Variants in MCF2L observed in about 807,000 individuals in gnomAD.
The protein encoded by MCF2L is guanine nucleotide exchange factor DBS.
In MCF2L, 97 loss-of-function variants were observed where a neutral mutation model predicts 153.4. The ratio of observed to expected loss-of-function variants is 0.63; its 90% confidence interval spans 0.54 to 0.75. The LOEUF (loss-of-function observed/expected upper bound fraction) is 0.75, where lower values mean the gene tolerates loss of function less well. Ranked by LOEUF, MCF2L falls within the 30% of genes least tolerant of loss-of-function variation. The probability of loss-of-function intolerance (pLI) is 0.00; values close to 1 mark genes in which losing one functional copy is unlikely to be tolerated. For synonymous variants in MCF2L, 659 were observed against 632.2 expected (o/e 1.04, Z -0.64); for missense variants, 1,347 against 1,495.2 (o/e 0.90, Z 1.64).
chr13:112,972,433 GGTGGGTGGATGAATGTAAGGGTGGATGA>G (rs2082072491), intron 1 of MCF2L, among the ~76,000 whole-genome samples: 1 of 150,450 alleles, frequency 6.6e-6, no homozygotes, highest in South Asian at 2.1e-4. Flanking sequence ...TGGATGGATG[GGTGGGTGGATGAATGTAAGGGTGGATGA>G]GTGGGTGTGT....
At chr13:113,011,224 C>A (rs533759716) in intron 1 of MCF2L, among the ~76,000 whole-genome samples, 1 of 152,166 alleles carries the variant, frequency 6.6e-6, no homozygotes, top group East Asian at 1.9e-4. Flanking sequence ...TCAGATGTAG[C>A]GATATTTTAG....
At chr13:113,061,719 C>CCTCTT in intron 5 of MCF2L, among the ~76,000 whole-genome samples, 1 of 108,770 alleles carries the variant, frequency 9.2e-6, no homozygotes, top group Admixed American at 8.7e-5. Flanking sequence ...CCCTCCCCTC[C>CCTCTT]CCCTTGCCCT....
intron 4 of MCF2L, among the ~76,000 whole-genome samples, chr13:113,048,817 G>C (rs1383503676): frequency 2.0e-5 from 3 of 152,216 alleles, no homozygotes; most frequent in Non-Finnish European, 4.4e-5. Flanking sequence ...CACTGCCTGG[G>C]CATCACGGAT....
At chr13:112,966,700 A>G (rs991504163), upstream of MCF2L, among the ~76,000 whole-genome samples, 3 of 152,216 alleles carry the variant, frequency 2.0e-5, no homozygotes, top group African/African-American at 7.2e-5. The surrounding 1 kb of genome is among the most constrained non-coding windows in gnomAD (Gnocchi z 4.1). Context: ...AGAAGCCAAT[A>G]GCATGTGTGG....
intron 2 of MCF2L, among the ~76,000 whole-genome samples, chr13:112,911,020 G>A (rs2081225671): frequency 6.6e-6 from 1 of 151,922 alleles, no homozygotes; most frequent in African/African-American, 2.4e-5. Flanking sequence ...GGCGGGGCGG[G>A]GGTGGGGCTG....
chr13:113,024,155 G>C (rs1045378677), intron 2 of MCF2L, among the ~76,000 whole-genome samples: 2 of 152,258 alleles, frequency 1.3e-5, no homozygotes, highest in African/African-American at 4.8e-5. Flanking sequence ...TGCTTAAAAG[G>C]CGCCAATGTC....
chr13:113,077,913 G>A (rs971551592), intron 13 of MCF2L, among the ~76,000 whole-genome samples: 5 of 152,238 alleles, frequency 3.3e-5, no homozygotes, highest in Admixed American at 6.5e-5. Flanking sequence ...TTCCTGTGCT[G>A]GGTCCCAGGC....
intron 3 of MCF2L, among the ~76,000 whole-genome samples, chr13:113,036,715 C>T (rs1035461972): frequency 6.6e-6 from 1 of 152,276 alleles, no homozygotes; most frequent in South Asian, 2.1e-4. Context: ...CAGGTGTCTG[C>T]GATATCATGC....
At chr13:112,955,868 G>A (rs577002365) in intron 2 of MCF2L, among the ~76,000 whole-genome samples, 6 of 152,276 alleles carry the variant, frequency 3.9e-5, no homozygotes, top group Admixed American at 6.5e-5. Context: ...GAGAATAAAC[G>A]TCAGCTCAGG....
At chr13:113,089,145 G>A (rs1272427957) in intron 25 of MCF2L, among the ~76,000 whole-genome samples, 4 of 147,154 alleles carry the variant, frequency 2.7e-5, no homozygotes, top group African/African-American at 1.0e-4. Flanking sequence ...TAGAACAGTA[G>A]TTTTAAAAAA....
In MCF2L at chr13:112,969,980, T is replaced by C. The variant is rs959701022; in HGVS notation, c.79+522T>C. 2.0e-5 allele frequency among the ~76,000 whole-genome samples: 3 copies of C among 152,168 alleles called. No homozygotes were observed. Among genetic ancestry groups the C allele is most frequent in the Non-Finnish European group, 2.9e-5 (2 of 68,038 alleles). On this transcript the variant is annotated intron_variant, in intron 1 of 29. Transcript: ENST00000535094. This position sits in a 1 kb window ranked among gnomAD's most constrained non-coding sequence, Gnocchi z 4.8. ...GTATGGGTAAAGAGTGGACTGGACG[T>C]TCATTTTCAGTATTAATCGAAATAT...
intron 1 of MCF2L, among the ~76,000 whole-genome samples, chr13:112,974,033 A>C: frequency 1.3e-5 from 2 of 150,692 alleles, no homozygotes; most frequent in African/African-American, 2.5e-5. Flanking sequence ...CCCATCCCCC[A>C]CTGTTTCATC....
At chr13:113,020,667 T>G (rs2084815774) in intron 2 of MCF2L, among the ~76,000 whole-genome samples, 4 of 152,122 alleles carry the variant, frequency 2.6e-5, no homozygotes, top group Admixed American at 2.6e-4. Flanking sequence ...TCCCACGGCC[T>G]CCTCCCCTCC....
chr13:113,044,680 C>T (rs769737658), intron 3 of MCF2L: 18 of 1,612,358 alleles, frequency 1.1e-5, no homozygotes, highest in East Asian at 4.5e-5. Context: ...CATCCGAGGA[C>T]GGAGGCTGTC....
At chr13:113,019,463 G>T (rs544472086) in intron 2 of MCF2L, among the ~76,000 whole-genome samples, 2 of 152,230 alleles carry the variant, frequency 1.3e-5, no homozygotes, top group Non-Finnish European at 2.9e-5. Context: ...CCCTGCCCGT[G>T]GGGGTTTGCC....
At position 113,094,625 on chromosome 13, in the gene MCF2L, C is replaced by T; in HGVS notation, c.3065C>T (p.Pro1022Leu). 6.2e-7 allele frequency: 1 copy of T among 1,610,422 alleles called. No individual in the cohort carries two copies. Among genetic ancestry groups the T allele is most frequent in the South Asian group, 1.1e-5 (1 of 90,798 alleles). Residue 1022 changes from proline (P) to leucine (L), a missense_variant, in exon 27 of 30, where the codon CCC becomes CTC. Physicochemically the swap from Pro to Leu is moderately conservative, Grantham distance 98 (BLOSUM62 -3). Transcript: ENST00000535094. ...GCAGAGGAGGACGGCGGGTTGGGCC[C>T]CAAGAAGCTGGTAACCACGGCTTCC... is the stretch of plus-strand genomic sequence containing the variant. ...SDAEEDGGLG[P>L]KKLVPGKYTV...
Position 112,989,701 on chromosome 13 carries a change from C to A in MCF2L, c.79+20243C>A, listed in dbSNP as rs924364150. 1.3e-3 allele frequency among the ~76,000 whole-genome samples: 186 copies of A among 145,516 alleles called. 2 individuals are homozygous for A. Among genetic ancestry groups the A allele is most frequent in the Non-Finnish European group, 2.0e-3 (128 of 65,556 alleles). On this transcript the variant is annotated intron_variant, in intron 1 of 29. Coordinates refer to ENST00000535094, the MANE Select transcript of MCF2L (RefSeq NM_001112732.3). Reference sequence around the variant, plus strand: ...GAGCAGGACATGGAGCTACCACACCCGAGTCCTCCCTGAGCAGGGGATGGA... The same window carrying A: ...GAGCAGGACATGGAGCTACCACACCAGAGTCCTCCCTGAGCAGGGGATGGA...
upstream of MCF2L, chr13:112,965,663 C>T (rs1314444438): frequency 2.0e-5 from 3 of 152,282 alleles, no homozygotes; most frequent in East Asian, 3.9e-4. Flanking sequence ...CATAGCCCTG[C>T]TCCCCTAGCC....
At chr13:113,094,677 C>G in intron 27 of MCF2L, 42 bp downstream of exon 27, 2 of 1,587,880 alleles carry the variant, frequency 1.3e-6, no homozygotes, top group African/African-American at 1.3e-5. Flanking sequence ...TGGGGGCTGC[C>G]CTCCGGGGAT....
Sources: gnomAD v4.1 joint callset for allele counts (sites outside exome capture counted in the v4.1 genomes callset) on GRCh38, gnomAD v4.1.1 for gene constraint, Gnocchi (gnomAD v3.1) non-coding constraint, MANE v1.5 for transcripts, NCBI Gene and HGNC (gene_info 2026-07-23, HGNC 2026-07-21) for gene names.